PPP1R1C: variants seen among roughly 807,000 people sequenced by gnomAD.
PPP1R1C encodes protein phosphatase 1 regulatory subunit 1C.
In PPP1R1C, 15 loss-of-function variants were observed where a neutral mutation model predicts 17.4. The observed-to-expected ratio is 0.86, with a 90% CI of 0.58 to 1.33. The LOEUF (loss-of-function observed/expected upper bound fraction) is 1.33, where lower values mean the gene tolerates loss of function less well. Ranked by LOEUF, PPP1R1C falls within the 40% of genes most tolerant of loss-of-function variation. The pLI is 0.00. For missense variants in PPP1R1C, 143 were observed against 130.0 expected (o/e 1.10, Z -0.48); for synonymous variants, 35 against 43.1 (o/e 0.81, Z 0.73).
At chr2:182,036,044 G>A (rs765512232) in intron 2 of PPP1R1C, among the ~76,000 whole-genome samples, 60 of 152,150 alleles carry the variant, frequency 3.9e-4, no homozygotes, top group Non-Finnish European at 8.5e-4. Context: ...TTGTGACTGA[G>A]CAGCAGAAGA....
At chr2:182,063,815 G>T (rs1314148177) in intron 4 of PPP1R1C, 24 bp downstream of exon 4, 1 of 1,594,792 alleles carries the variant, frequency 6.3e-7, no homozygotes, top group Admixed American at 1.7e-5. Context: ...ACTGTTTCGG[G>T]TTGTCATGAG....
At chr2:181,979,255 T>G (rs956858636) in intron 2 of PPP1R1C, among the ~76,000 whole-genome samples, 2 of 152,236 alleles carry the variant, frequency 1.3e-5, no homozygotes, top group African/African-American at 2.4e-5. Flanking sequence ...CCCCATATAC[T>G]AGGCTGCTAA....
chr2:182,066,049 G>T (rs1322117287), intron 4 of PPP1R1C, among the ~76,000 whole-genome samples: 1 of 152,038 alleles, frequency 6.6e-6, no homozygotes, highest in Non-Finnish European at 1.5e-5. Flanking sequence ...CTTCAATTAT[G>T]CCTGAAACCT....
intron 1 of PPP1R1C, 76 bp downstream of exon 1, chr2:181,986,267 G>C: frequency 8.4e-7 from 1 of 1,185,506 alleles, no homozygotes; most frequent in Non-Finnish European, 1.3e-6. Context: ...TAATTGAAAG[G>C]TTCTTTACCT....
chr2:182,071,168 A>G (rs1009421614), intron 4 of PPP1R1C, among the ~76,000 whole-genome samples: 4 of 152,026 alleles, frequency 2.6e-5, no homozygotes, highest in Non-Finnish European at 4.4e-5. Flanking sequence ...TTTTTTTCCT[A>G]ATGTCTTCTC....
At chr2:182,022,363 G>C (rs755297844) in intron 2 of PPP1R1C, among the ~76,000 whole-genome samples, 1 of 152,154 alleles carries the variant, frequency 6.6e-6, no homozygotes, top group East Asian at 1.9e-4. Flanking sequence ...TAATAAAGTT[G>C]CCTTCATTCT....
chr2:182,052,511 G>C (rs183871883), intron 2 of PPP1R1C, among the ~76,000 whole-genome samples: 61 of 152,288 alleles, frequency 4.0e-4, no homozygotes, highest in Middle Eastern at 3.4e-3. Flanking sequence ...AGCAATGGTA[G>C]TTTTGTGAAA....
intron 1 of PPP1R1C, among the ~76,000 whole-genome samples, chr2:181,966,863 A>G (rs778518724): frequency 6.6e-6 from 1 of 152,162 alleles, no homozygotes; most frequent in Non-Finnish European, 1.5e-5. Context: ...ATTTTTCAGA[A>G]TAGTTTGAGT....
At chr2:182,097,533 G>C (rs116836640) in intron 4 of PPP1R1C, among the ~76,000 whole-genome samples, 2,352 of 152,236 alleles carry the variant, frequency 0.015, 30 homozygotes, top group African/African-American at 0.034. Flanking sequence ...TTTACTACTG[G>C]GATGGGGACT....
At chr2:181,991,561 A>G (rs1465071320) in intron 2 of PPP1R1C, among the ~76,000 whole-genome samples, 1 of 152,190 alleles carries the variant, frequency 6.6e-6, no homozygotes, top group Non-Finnish European at 1.5e-5. Flanking sequence ...GAAACAATGT[A>G]TTTGCTCCTA....
At chr2:182,025,945 T>G (rs1352584733) in intron 2 of PPP1R1C, among the ~76,000 whole-genome samples, 1 of 146,086 alleles carries the variant, frequency 6.8e-6, no homozygotes, top group African/African-American at 2.6e-5. Flanking sequence ...TGATTTGCAT[T>G]TCTCTGCTGG....
At chr2:182,051,609 G>A (rs1687520145) in intron 2 of PPP1R1C, among the ~76,000 whole-genome samples, 1 of 152,192 alleles carries the variant, frequency 6.6e-6, no homozygotes, top group Admixed American at 6.5e-5. Flanking sequence ...GTGAAAAGAT[G>A]TGGAATTTTC....
intron 2 of PPP1R1C, among the ~76,000 whole-genome samples, chr2:182,004,150 T>G (rs1344559655): frequency 1.3e-5 from 2 of 152,226 alleles, no homozygotes; most frequent in Non-Finnish European, 2.9e-5. Flanking sequence ...GTGTAATACT[T>G]CTTCCAGTTG....
chr2:182,107,932 A>G (rs193072761), intron 4 of PPP1R1C, among the ~76,000 whole-genome samples: 8 of 151,026 alleles, frequency 5.3e-5, no homozygotes, highest in Non-Finnish European at 8.9e-5. Flanking sequence ...TCTAACAGCA[A>G]CTCCTTCAGT....
At chr2:182,060,651 C>A (rs1687823502) in intron 2 of PPP1R1C, among the ~76,000 whole-genome samples, 1 of 152,096 alleles carries the variant, frequency 6.6e-6, no homozygotes, top group Non-Finnish European at 1.5e-5. Flanking sequence ...AGATCTACAT[C>A]ATTGTCTTTA....
At chr2:182,109,679 C>G (rs1323446324) in intron 4 of PPP1R1C, among the ~76,000 whole-genome samples, 1 of 152,170 alleles carries the variant, frequency 6.6e-6, no homozygotes, top group Admixed American at 6.5e-5. Context: ...AGTTTCTGGA[C>G]TCTCTATGCT....
Position 182,117,565 on chromosome 2 carries a change from T to C in PPP1R1C, c.*270T>C. 3.1e-6 allele frequency: 1 copy of C among 326,508 alleles called. No homozygotes were observed. Among genetic ancestry groups the C allele is most frequent in the Non-Finnish European group, 5.6e-6 (1 of 178,574 alleles). The allele number at this position is 326,508 out of a possible 1,614,324, so 20.2% of individuals were successfully genotyped here. Reference sequence around the variant, plus strand: ...ATGTAAAAATTTGCATACATGTGACTGTTCTAACTTTAATACTGCCAGAGC... The same window carrying C: ...ATGTAAAAATTTGCATACATGTGACCGTTCTAACTTTAATACTGCCAGAGC... On this transcript the variant is annotated 3_prime_UTR_variant, in exon 5 of 5. Transcript: ENST00000682840.
intron 2 of PPP1R1C, among the ~76,000 whole-genome samples, chr2:182,012,962 T>A (rs747583431): frequency 6.6e-6 from 1 of 152,150 alleles, no homozygotes. Context: ...TTTCTATTTA[T>A]GTGCTATTGT....
At chr2:182,101,861 T>C (rs532575792) in intron 4 of PPP1R1C, among the ~76,000 whole-genome samples, 1 of 152,248 alleles carries the variant, frequency 6.6e-6, no homozygotes, top group African/African-American at 2.4e-5. Flanking sequence ...AGTAACTAGG[T>C]GGGGAGGAGA....
Sources: gnomAD v4.1 joint callset for allele counts (sites outside exome capture counted in the v4.1 genomes callset) on GRCh38, gnomAD v4.1.1 for gene constraint, MANE v1.5 for transcripts, NCBI Gene and HGNC (gene_info 2026-07-23, HGNC 2026-07-21) for gene names.